The following RHD variants were observed in gnomAD, a reference collection of about 807,000 sequenced individuals.
RHD encodes the protein blood group Rh(D) polypeptide.
Under a neutral mutation model 45.5 loss-of-function variants are expected in RHD, and 16 were observed. That is an observed-to-expected ratio of 0.35 (90% CI 0.24 to 0.53). The LOEUF (loss-of-function observed/expected upper bound fraction) is 0.53. Among genes scored for constraint, RHD ranks in the 20% least tolerant of loss-of-function variants. RHD has a pLI of 0.92. For synonymous variants in RHD, 131 were observed against 217.5 expected (o/e 0.60, Z 3.50); for missense variants, 306 against 532.0 (o/e 0.58, Z 4.18).
At chr1:25,303,985 A>G (rs1157008873) in intron 6 of RHD, among the ~76,000 whole-genome samples, 2 of 85,060 alleles carry the variant, frequency 2.4e-5, no homozygotes, top group Admixed American at 1.1e-4. Flanking sequence ...CACATCGTGC[A>G]TATGTGGCTG....
At chr1:25,296,243 CT>C (rs894411494) in intron 3 of RHD, among the ~76,000 whole-genome samples, 6,423 of 114,654 alleles carry the variant, frequency 0.056, 182 homozygotes, top group African/African-American at 0.17. Context: ...GTGTACATTT[CT>C]TTTTTTTTTT....
rs758070716 is a variant in RHD, at chr1:25,329,072, C to A, written c.*148C>A. On this transcript the variant is annotated 3_prime_UTR_variant, in exon 10 of 10. Transcript: ENST00000328664. ...GGAGTCAGAGAAAATGGAGTTGAAT[C>A]CTTTCTCTGCCACTCTTTGAGGAGA... 1.5e-6 allele frequency: 2 copies of A among 1,321,998 alleles called. No individual in the cohort carries two copies. The highest frequency in any genetic ancestry group is 1.9e-5 in the Admixed American group (1 of 52,932). 81.9% of individuals were successfully genotyped at this position (1,321,998 alleles called of 1,614,324 possible). A position where few individuals can be genotyped will look rare whatever the true frequency, so the allele number is the denominator to read the frequency against.
At chr1:25,319,438 C>A in intron 8 of RHD, among the ~76,000 whole-genome samples, 1 of 131,520 alleles carries the variant, frequency 7.6e-6, no homozygotes, top group East Asian at 2.0e-4. Context: ...TAGTGAGACC[C>A]CATCTCTACA....
chr1:25,318,382 G>T (rs528240833), intron 8 of RHD: 1 of 131,592 alleles, frequency 7.6e-6, no homozygotes, highest in Non-Finnish European at 1.8e-5. Flanking sequence ...GAGGTCAGGA[G>T]TTCGAGACCA....
chr1:25,280,449 GCA>G (rs1641382803), intron 1 of RHD, among the ~76,000 whole-genome samples: 1 of 128,530 alleles, frequency 7.8e-6, no homozygotes, highest in Non-Finnish European at 1.8e-5. Flanking sequence ...GGGATTACAG[GCA>G]TGCGCCACCA....
At chr1:25,307,233 G>T (rs147764505) in intron 7 of RHD, among the ~76,000 whole-genome samples, 1,751 of 132,030 alleles carry the variant, frequency 0.013, 280 homozygotes, top group African/African-American at 0.043. Flanking sequence ...CCATCCCTGA[G>T]GCCCAGAGAG....
At chr1:25,299,112 T>G (rs1643182453) in intron 3 of RHD, among the ~76,000 whole-genome samples, 1 of 117,222 alleles carries the variant, frequency 8.5e-6, no homozygotes, top group African/African-American at 3.0e-5. Flanking sequence ...CTGGGAGCAG[T>G]GGCTCATGCC....
chr1:25,311,691 C>T (rs538395200), intron 7 of RHD, among the ~76,000 whole-genome samples: 1 of 129,450 alleles, frequency 7.7e-6, no homozygotes, highest in South Asian at 2.4e-4. Context: ...TTTGGAATGA[C>T]CAGCTGCTGC....
rs376435509 is a variant in RHD at position 25,272,539 on chromosome 1, G to A, written c.-9G>A. The A allele has an allele frequency of 5.1e-5, 80 of 1,574,716 alleles. 1 individual carries two copies. Among genetic ancestry groups the A allele is most frequent in the Non-Finnish European group, 6.4e-5 (74 of 1,152,206 alleles). ...GCTGGTGGAACCCCTGCACAGAGAC[G>A]GACACAGGATGAGCTCTAAGTACCC... On this transcript the variant is annotated 5_prime_UTR_variant, in exon 1 of 10. Transcript: ENST00000328664.
At chr1:25,323,445 T>A (rs1359258631) in intron 9 of RHD, among the ~76,000 whole-genome samples, 1 of 115,790 alleles carries the variant, frequency 8.6e-6, no homozygotes, top group African/African-American at 3.0e-5. Flanking sequence ...TTTCTGTCAC[T>A]AAGGTTTGCA....
intron 8 of RHD, among the ~76,000 whole-genome samples, chr1:25,321,379 G>T (rs1306808001): frequency 1.6e-5 from 2 of 123,724 alleles, no homozygotes; most frequent in African/African-American, 5.4e-5. Flanking sequence ...CTACAGAATC[G>T]GCCAGGTGTG....
rs1356118220 is a variant in RHD, at chr1:25,277,213, A to G, written c.148+4518A>G. ...CCAAAGCTAGGAGACTCAAGGCTGT[A>G]TGACATCCTGAGCAAGTGAGGGGTG... On this transcript the variant is annotated intron_variant, in intron 1 of 9. Transcript: ENST00000328664. Among the ~76,000 whole-genome samples, 2 of 132,626 alleles carry G rather than the reference A, an allele frequency of 1.5e-5. 1 individual carries two copies. The highest frequency in any genetic ancestry group is 3.6e-5 in the Non-Finnish European group (2 of 55,818). 87.0% of individuals were successfully genotyped at this position (132,626 alleles called of 152,430 possible).
Position 25,305,926 on chromosome 1 carries a change from A to G in RHD, c.940-670A>G, listed in dbSNP as rs928111715. On this transcript the variant is annotated intron_variant, in intron 6 of 9. Transcript: ENST00000328664. ...CTGGATTTTTATTCTGAAGACTAAT[A>G]GGGATTCTAAGGAAGGAACCAGCCT... Among the ~76,000 whole-genome samples, 4 of 131,794 alleles carry G rather than the reference A, an allele frequency of 3.0e-5. 1 individual carries two copies. The highest frequency in any genetic ancestry group is 5.4e-5 in the Non-Finnish European group (3 of 55,864). The allele number at this position is 131,794 out of a possible 152,430, so 86.5% of individuals were successfully genotyped here.
chr1:25,321,419 G>C, intron 8 of RHD, among the ~76,000 whole-genome samples: 1 of 122,118 alleles, frequency 8.2e-6, no homozygotes, highest in Non-Finnish European at 1.9e-5. Flanking sequence ...CTAGCACTTT[G>C]GAAGGCTGAG....
intron 7 of RHD, among the ~76,000 whole-genome samples, chr1:25,314,705 C>T (rs1450203658): frequency 7.6e-6 from 1 of 131,132 alleles, no homozygotes; most frequent in Non-Finnish European, 1.8e-5. Flanking sequence ...AGGGTTTTGC[C>T]ATGTTGGACA....
chr1:25,301,708 G>T (rs760609559), intron 5 of RHD, 22 bp downstream of exon 5: 1 of 1,370,394 alleles, frequency 7.3e-7, no homozygotes, highest in Non-Finnish European at 1.0e-6. Flanking sequence ...GCTGCCCTTG[G>T]GCAGCACTTG....
At chr1:25,307,766 C>T in intron 7 of RHD, 1 of 1,304,920 alleles carries the variant, frequency 7.7e-7, no homozygotes, top group Non-Finnish European at 1.1e-6. Flanking sequence ...TCTTGGATGC[C>T]TTCTACAGAG....
rs550064038 is a variant in RHD, at chr1:25,277,363, T to A, written c.148+4668T>A. Among the ~76,000 whole-genome samples, 29 of 131,746 alleles carry A rather than the reference T, an allele frequency of 2.2e-4. 2 individuals carry two copies. In the South Asian group the frequency reaches 5.6e-3, roughly 25 times the overall value. 86.4% of individuals were successfully genotyped at this position (131,746 alleles called of 152,430 possible). On this transcript the variant is annotated intron_variant, in intron 1 of 9. Coordinates refer to ENST00000328664, the MANE Select transcript of RHD (RefSeq NM_016124.6). ...GGTCCCCAGACCTGCTGCCTCAGCATCTCCTGGAAATTTAGTAGAAATGCA... is the reference window on the plus strand; with the variant it reads ...GGTCCCCAGACCTGCTGCCTCAGCAACTCCTGGAAATTTAGTAGAAATGCA...
chr1:25,311,737 T>C (rs1644160728), intron 7 of RHD, among the ~76,000 whole-genome samples: 2 of 130,218 alleles, frequency 1.5e-5, no homozygotes, highest in South Asian at 4.7e-4. Context: ...CCCACATTTC[T>C]GGTGCAGCAT....
Sources: allele counts gnomAD v4.1 joint callset (sites outside exome capture counted in the v4.1 genomes callset), GRCh38; gene constraint gnomAD v4.1.1; transcripts MANE v1.5; gene names NCBI Gene and HGNC (gene_info 2026-07-23, HGNC 2026-07-21).